PIK3CB: variants seen among roughly 807,000 people sequenced by gnomAD.
PIK3CB encodes the protein phosphatidylinositol-4,5-bisphosphate 3-kinase catalytic subunit beta, also known as phosphatidylinositol 4,5-bisphosphate 3-kinase catalytic subunit beta isoform.
A neutral mutation model predicts 136.8 loss-of-function variants in PIK3CB; 39 were observed. The observed-to-expected ratio is 0.29, with a 90% CI of 0.22 to 0.37. PIK3CB has a LOEUF of 0.37. Ranked by LOEUF, PIK3CB falls within the 10% of genes least tolerant of loss-of-function variation. The pLI is 1.00. For missense variants in PIK3CB, 868 were observed against 1,275.4 expected, an observed-to-expected ratio of 0.68 and a Z score of 4.87; for synonymous variants, 428 against 436.6, an observed-to-expected ratio of 0.98 and a Z score of 0.25.
At chr3:138,759,951 T>C (rs1284956454) in intron 2 of PIK3CB, among the ~76,000 whole-genome samples, 1 of 151,564 alleles carries the variant, frequency 6.6e-6, no homozygotes. Context: ...AGATGGAGTC[T>C]CTCTCTGTTG....
At chr3:138,706,253 C>A (rs2108557056) in intron 11 of PIK3CB, among the ~76,000 whole-genome samples, 1 of 152,266 alleles carries the variant, frequency 6.6e-6, no homozygotes, top group Non-Finnish European at 1.5e-5. Context: ...ATAAAAAACA[C>A]CATGCCAAAC....
chr3:138,663,636 G>C (rs1263480601), intron 21 of PIK3CB, among the ~76,000 whole-genome samples: 1 of 151,968 alleles, frequency 6.6e-6, no homozygotes, highest in Non-Finnish European at 1.5e-5. Flanking sequence ...GCCGGCTCGG[G>C]ATCCCAAAGT....
intron 1 of PIK3CB, among the ~76,000 whole-genome samples, chr3:138,820,493 CTGTT>C (rs747473526): frequency 2.0e-5 from 3 of 152,126 alleles, no homozygotes; most frequent in Non-Finnish European, 2.9e-5. Flanking sequence ...TTTCTTCATT[CTGTT>C]TGTTTGTTTG....
intron 1 of PIK3CB, among the ~76,000 whole-genome samples, chr3:138,814,644 C>T (rs1004813216): frequency 6.6e-6 from 1 of 152,028 alleles, no homozygotes; most frequent in Non-Finnish European, 1.5e-5. Flanking sequence ...TCCACTCAAC[C>T]GTTATCCTTT....
At chr3:138,815,873 T>C (rs1933302425) in intron 1 of PIK3CB, among the ~76,000 whole-genome samples, 1 of 152,210 alleles carries the variant, frequency 6.6e-6, no homozygotes, top group Admixed American at 6.5e-5. Flanking sequence ...AAATAAATAA[T>C]TACGCACTTA....
chr3:138,679,079 A>G (rs1412643771), intron 19 of PIK3CB, among the ~76,000 whole-genome samples: 1 of 152,122 alleles, frequency 6.6e-6, no homozygotes, highest in Non-Finnish European at 1.5e-5. Flanking sequence ...AAACAAACAA[A>G]CAAACAAAAA....
At chr3:138,701,303 G>A (rs1054558153) in intron 12 of PIK3CB, among the ~76,000 whole-genome samples, 10 of 151,530 alleles carry the variant, frequency 6.6e-5, no homozygotes, top group African/African-American at 2.4e-4. Flanking sequence ...ACAATGAAAT[G>A]CAGCAAGTAA....
intron 1 of PIK3CB, among the ~76,000 whole-genome samples, chr3:138,819,119 T>G (rs1933453132): frequency 6.6e-6 from 1 of 151,994 alleles, no homozygotes. Context: ...GAGGCCAAGG[T>G]GGGTGGTTCA....
At chr3:138,670,304 T>C (rs752835800) in intron 19 of PIK3CB, among the ~76,000 whole-genome samples, 24 of 152,242 alleles carry the variant, frequency 1.6e-4, no homozygotes, top group Non-Finnish European at 2.9e-4. Context: ...ATGAAGCTCA[T>C]GATATGGCCT....
chr3:138,759,616 AAAT>A (rs2045633377), intron 2 of PIK3CB, among the ~76,000 whole-genome samples: 1 of 152,130 alleles, frequency 6.6e-6, no homozygotes, highest in Non-Finnish European at 1.5e-5. Flanking sequence ...TAAAGGAAAA[AAAT>A]TATTCTTATA....
At chr3:138,796,679 T>C (rs992106939) in intron 1 of PIK3CB, 112 bp from the exon 2 acceptor site, 20 of 152,174 alleles carry the variant, frequency 1.3e-4, no homozygotes, top group African/African-American at 4.8e-4. Flanking sequence ...TTTTAAAATA[T>C]GTAGGTTGAA....
At position 138,693,565 on chromosome 3, in the gene PIK3CB, A is replaced by T. The variant is rs1260030628; in HGVS notation, c.1892+1221T>A. 2.0e-5 allele frequency among the ~76,000 whole-genome samples: 3 copies of T among 150,144 alleles called. No individual in the cohort carries two copies. The East Asian group carries it at 6.0e-4, about 30-fold the overall frequency. On this transcript the variant is annotated intron_variant, in intron 14 of 23. Transcript: ENST00000674063. ...AGGCACCGGCCACCACGCCTGGCTA[A>T]TTTTTTGTATTTTTAGTAGAGATGG... is the stretch of plus-strand genomic sequence containing the variant.
At chr3:138,682,184 T>G in intron 18 of PIK3CB, 139 bp from the exon 19 acceptor site, 1 of 567,258 alleles carries the variant, frequency 1.8e-6, no homozygotes, top group Admixed American at 3.6e-5. Flanking sequence ...ATAACAAATA[T>G]TACACTCTTT....
intron 8 of PIK3CB, among the ~76,000 whole-genome samples, chr3:138,717,607 G>T (rs1227127246): frequency 6.6e-6 from 1 of 151,950 alleles, no homozygotes; most frequent in Admixed American, 6.6e-5. Flanking sequence ...GTTGTCACAG[G>T]GGTTTGTTGT....
intron 11 of PIK3CB, among the ~76,000 whole-genome samples, chr3:138,706,760 C>G (rs2044386180): frequency 6.6e-6 from 1 of 152,158 alleles, no homozygotes; most frequent in Admixed American, 6.5e-5. Context: ...CGGGTTCAAG[C>G]AATTCTCCTG....
chr3:138,683,826 A>G, intron 17 of PIK3CB, 39 bp from the exon 18 acceptor site: 4 of 984,444 alleles, frequency 4.1e-6, no homozygotes, highest in Non-Finnish European at 6.6e-6. Flanking sequence ...CTTCAGTGTA[A>G]TGATACAGAA....
At chr3:138,724,980 A>G (rs2044806419) in intron 8 of PIK3CB, among the ~76,000 whole-genome samples, 2 of 152,214 alleles carry the variant, frequency 1.3e-5, no homozygotes, top group Middle Eastern at 3.4e-3. Context: ...AGGCACTGAA[A>G]GAAGATAAAA....
chr3:138,829,099 G>C (rs954765138), intron 1 of PIK3CB, among the ~76,000 whole-genome samples: 10 of 151,602 alleles, frequency 6.6e-5, no homozygotes, highest in Non-Finnish European at 1.5e-4. Flanking sequence ...TCCGTGTCCG[G>C]CCAAATTTTT....
intron 2 of PIK3CB, among the ~76,000 whole-genome samples, chr3:138,779,366 G>C (rs1344573510): frequency 6.8e-6 from 1 of 147,564 alleles, no homozygotes; most frequent in African/African-American, 2.5e-5. Flanking sequence ...GATTACAGGC[G>C]TGAGCCACCA....
Sources: allele counts gnomAD v4.1 joint callset (sites outside exome capture counted in the v4.1 genomes callset), GRCh38; gene constraint gnomAD v4.1.1; transcripts MANE v1.5; gene names NCBI Gene and HGNC (gene_info 2026-07-23, HGNC 2026-07-21).